Variants in DMD observed in about 807,000 individuals in gnomAD.
The protein encoded by DMD is mutant dystrophin.
A neutral mutation model predicts 330.1 loss-of-function variants in DMD; 63 were observed. That is an observed-to-expected ratio of 0.19 (90% CI 0.16 to 0.24). The LOEUF (loss-of-function observed/expected upper bound fraction) is 0.24, where lower values mean the gene tolerates loss of function less well. DMD is among the 10% of genes least tolerant of loss of function. The pLI, the probability that DMD is intolerant of heterozygous loss-of-function variation, is 1.00. For missense variants in DMD, 3,344 were observed against 2,684.1 expected (o/e 1.25, Z -5.43); for synonymous variants, 1,223 against 959.8 (o/e 1.27, Z -5.07).
Position 31,690,183 on chromosome X carries a change from G to A in DMD, c.7661-10597C>T, listed in dbSNP as rs765704429. Reference sequence around the variant, plus strand: ...AAACTACCATCAGAGTGAACAGGCAGCCTACAGAATGGGAGAAAATTTTTG... The same window carrying A: ...AAACTACCATCAGAGTGAACAGGCAACCTACAGAATGGGAGAAAATTTTTG... On this transcript the variant is annotated intron_variant, in intron 52 of 78. Coordinates refer to ENST00000357033, the MANE Select transcript of DMD (RefSeq NM_004006.3). Among the ~76,000 whole-genome samples, 216 of 111,599 alleles carry A rather than the reference G, an allele frequency of 1.9e-3. 3 individuals are homozygous for A. Among genetic ancestry groups the A allele is most frequent in the African/African-American group, 6.2e-3 (189 of 30,700 alleles).
At chrX:32,836,037 A>C (rs989731100) in intron 4 of DMD, among the ~76,000 whole-genome samples, 16 of 107,965 alleles carry the variant, frequency 1.5e-4, no homozygotes, top group African/African-American at 5.6e-4. Context: ...TTCAAAAAAA[A>C]ATTTTTTTTT....
intron 2 of DMD, among the ~76,000 whole-genome samples, chrX:33,005,560 G>A (rs969668837): frequency 2.8e-5 from 3 of 107,954 alleles, no homozygotes; most frequent in Admixed American, 1.0e-4. Context: ...AATTATAATT[G>A]AGGTCCACAG....
intron 74 of DMD, among the ~76,000 whole-genome samples, chrX:31,147,940 A>G (rs925434929): frequency 5.4e-5 from 6 of 112,113 alleles, no homozygotes; most frequent in Admixed American, 9.5e-5. Context: ...ACAGAAATGT[A>G]TAAGAATGGA....
chrX:33,215,633 T>G (rs1233944412), upstream of DMD, among the ~76,000 whole-genome samples: 1 of 111,686 alleles, frequency 9.0e-6, no homozygotes, highest in African/African-American at 3.3e-5. Context: ...TAGGTTTTCT[T>G]CTAGGATTTT....
intron 37 of DMD, among the ~76,000 whole-genome samples, chrX:32,361,908 C>T (rs1465655096): frequency 9.0e-6 from 1 of 110,699 alleles, no homozygotes; most frequent in African/African-American, 3.3e-5. Flanking sequence ...TGTTTGAAAG[C>T]ATATCATATA....
intron 28 of DMD, among the ~76,000 whole-genome samples, chrX:32,440,649 G>C (rs1249020519): frequency 9.0e-6 from 1 of 111,355 alleles, no homozygotes; most frequent in Non-Finnish European, 1.9e-5. Flanking sequence ...TTTAATTATT[G>C]AAAGTCTCCA....
intron 7 of DMD, among the ~76,000 whole-genome samples, chrX:32,735,947 A>G (rs1257839323): frequency 1.8e-5 from 2 of 111,949 alleles, no homozygotes; most frequent in Non-Finnish European, 3.8e-5. Flanking sequence ...GCTTCTGCAC[A>G]ACAAAAGAAA....
At chrX:32,818,389 A>C (rs1331631726) in intron 5 of DMD, among the ~76,000 whole-genome samples, 1 of 111,401 alleles carries the variant, frequency 9.0e-6, no homozygotes, top group Non-Finnish European at 1.9e-5. Context: ...ACAAAAAAAA[A>C]TAATAAAGGG....
At chrX:32,191,661 C>A (rs1030954717) in intron 44 of DMD, among the ~76,000 whole-genome samples, 1 of 111,566 alleles carries the variant, frequency 9.0e-6, no homozygotes, top group Non-Finnish European at 1.9e-5. Context: ...AGCAAATCCA[C>A]AAATGTTCAA....
intron 47 of DMD, among the ~76,000 whole-genome samples, chrX:31,903,410 C>T (rs1370023840): frequency 9.0e-6 from 1 of 111,602 alleles, no homozygotes; most frequent in African/African-American, 3.3e-5. Flanking sequence ...AAACTTTGAG[C>T]AAATATGAAT....
chrX:32,880,599 C>G (rs2083842046), intron 2 of DMD, among the ~76,000 whole-genome samples: 1 of 112,518 alleles, frequency 8.9e-6, no homozygotes, highest in Admixed American at 9.4e-5. Flanking sequence ...TATGCCATCT[C>G]TTAACTACAG....
chrX:31,478,023 G>T, intron 59 of DMD, 83 bp downstream of exon 59: 1 of 1,060,988 alleles, frequency 9.4e-7, no homozygotes, highest in Non-Finnish European at 1.3e-6. Flanking sequence ...TAACTTTGTG[G>T]GAAGATAACA....
At chrX:32,816,845 A>T (rs2077804547) in intron 5 of DMD, among the ~76,000 whole-genome samples, 1 of 111,619 alleles carries the variant, frequency 9.0e-6, no homozygotes, top group Non-Finnish European at 1.9e-5. Context: ...ATGCCATACC[A>T]TTTACTGAAT....
At chrX:31,474,500 G>T (rs148295149) in intron 59 of DMD, among the ~76,000 whole-genome samples, 1 of 106,247 alleles carries the variant, frequency 9.4e-6, no homozygotes, top group Non-Finnish European at 1.9e-5. Flanking sequence ...TCAGAAGTTC[G>T]AGACTAGCCT....
intron 1 of DMD, among the ~76,000 whole-genome samples, chrX:33,317,436 A>T (rs1275441011): frequency 8.9e-6 from 1 of 112,079 alleles, no homozygotes; most frequent in African/African-American, 3.2e-5. Flanking sequence ...TTTAGAAAAT[A>T]ACAGTGTTTT....
At chrX:32,847,949 G>A (rs903332993) in intron 3 of DMD, among the ~76,000 whole-genome samples, 1 of 112,069 alleles carries the variant, frequency 8.9e-6, no homozygotes, top group East Asian at 2.8e-4. Flanking sequence ...TTAGAGAAAG[G>A]CTTATCTCAT....
chrX:31,678,367 G>A (rs895713981), intron 53 of DMD, among the ~76,000 whole-genome samples: 1 of 111,774 alleles, frequency 8.9e-6, no homozygotes, highest in Admixed American at 9.5e-5. Context: ...CTCCTACCAT[G>A]TTACTTCCCT....
intron 44 of DMD, among the ~76,000 whole-genome samples, chrX:32,052,919 A>G (rs1456808841): frequency 9.0e-6 from 1 of 111,039 alleles, no homozygotes; most frequent in Non-Finnish European, 1.9e-5. Flanking sequence ...GAATAAAAAC[A>G]AACTATAAAA....
At chrX:31,667,016 C>T (rs751572179) in intron 53 of DMD, among the ~76,000 whole-genome samples, 2 of 112,146 alleles carry the variant, frequency 1.8e-5, no homozygotes, top group East Asian at 5.6e-4. Flanking sequence ...GCATAATTTT[C>T]TGGTTCTTAA....
Sources: allele counts gnomAD v4.1 joint callset (sites outside exome capture counted in the v4.1 genomes callset), GRCh38; gene constraint gnomAD v4.1.1; transcripts MANE v1.5; gene names NCBI Gene and HGNC (gene_info 2026-07-23, HGNC 2026-07-21).